Variants in ERG observed in about 807,000 individuals in gnomAD.
ERG encodes ETS transcription factor ERG.
Under a neutral mutation model 55.3 loss-of-function variants are expected in ERG, and 9 were observed. That is an observed-to-expected ratio of 0.16 (90% CI 0.10 to 0.28). The LOEUF is 0.28. ERG is among the 10% of genes least tolerant of loss of function. The pLI, the probability that ERG is intolerant of heterozygous loss-of-function variation, is 1.00. For synonymous variants in ERG, 223 were observed against 237.3 expected (o/e 0.94, Z 0.55); for missense variants, 434 against 631.6 (o/e 0.69, Z 3.35).
At position 38,468,997 on chromosome 21, in the gene ERG, A is replaced by G. The variant is rs539399940; in HGVS notation, c.19-23376T>C. The stretch of plus-strand genomic sequence containing the variant: ...GACTCTGTCTCAAAAAAAAAAAAAA[A>G]AAAAGAAAAAAAAAAAAGAAAATGT... On this transcript the variant is annotated intron_variant, in intron 1 of 9. Coordinates refer to ENST00000288319, the MANE Select transcript of ERG (RefSeq NM_182918.4). 5.4e-3 allele frequency among the ~76,000 whole-genome samples: 376 copies of G among 69,334 alleles called. 6 individuals carry two copies. In the East Asian group the frequency reaches 0.056, roughly 10 times the overall value. 45.5% of individuals were successfully genotyped at this position (69,334 alleles called of 152,430 possible). A position where few individuals can be genotyped will look rare whatever the true frequency, so the allele number is the denominator to read the frequency against.
chr21:38,592,571 C>CTG (rs56195027), intron 1 of ERG, among the ~76,000 whole-genome samples: 32,962 of 147,664 alleles, frequency 0.22, 3,606 homozygotes, highest in South Asian at 0.3. Context: ...TCTCCCTTCA[C>CTG]TGTGTGTGTG....
chr21:38,495,623 G>C (rs2059373161), intron 1 of ERG, among the ~76,000 whole-genome samples: 1 of 152,188 alleles, frequency 6.6e-6, no homozygotes, highest in Non-Finnish European at 1.5e-5. Context: ...GGTCCGGGGA[G>C]AGGACTGTAT....
chr21:38,610,533 GT>G (rs2060220780), intron 1 of ERG, among the ~76,000 whole-genome samples: 3 of 152,024 alleles, frequency 2.0e-5, no homozygotes, highest in African/African-American at 4.8e-5. Flanking sequence ...GCGCGTGTGT[GT>G]GTGTGTGTGT....
At chr21:38,367,575 G>T in the ERG span, 1 of 508,516 alleles carries the variant, frequency 2.0e-6, no homozygotes, top group East Asian at 4.0e-5. Context: ...TGCCTTCTAT[G>T]ACCCAGTCCC....
At chr21:38,471,775 T>C (rs1180522275) in intron 1 of ERG, 2 of 152,226 alleles carry the variant, frequency 1.3e-5, no homozygotes, top group Admixed American at 1.3e-4. Flanking sequence ...TGAGTCAAAG[T>C]CACATCTATT....
intron 9 of ERG, among the ~76,000 whole-genome samples, chr21:38,387,886 G>C (rs1359921934): frequency 1.3e-5 from 2 of 152,232 alleles, no homozygotes; most frequent in African/African-American, 4.8e-5. Flanking sequence ...GGAGCTTAGA[G>C]AGGTAGACTG....
chr21:38,549,238 T>C (rs1405600366), intron 2 of ERG, among the ~76,000 whole-genome samples: 2 of 152,198 alleles, frequency 1.3e-5, no homozygotes, highest in Admixed American at 6.5e-5. Context: ...TTCCTAGATG[T>C]TTCCTGCATC....
chr21:38,474,739 T>A (rs912190594), intron 1 of ERG, among the ~76,000 whole-genome samples: 1 of 152,156 alleles, frequency 6.6e-6, no homozygotes, highest in Non-Finnish European at 1.5e-5. Flanking sequence ...CCATTTTTTT[T>A]TTTTTGTCTG....
intron 9 of ERG, among the ~76,000 whole-genome samples, chr21:38,387,218 G>C (rs780459398): frequency 1.3e-5 from 2 of 152,330 alleles, no homozygotes; most frequent in African/African-American, 4.8e-5. Context: ...AAATACAGCC[G>C]TGAGGGGCCC....
intron 3 of ERG, among the ~76,000 whole-genome samples, chr21:38,404,669 T>C (rs938810822): frequency 6.6e-6 from 1 of 152,206 alleles, no homozygotes; most frequent in East Asian, 1.9e-4. Flanking sequence ...TGGACCTTGC[T>C]GTGGGCAGCT....
In ERG at chr21:38,460,051, C is replaced by A. The variant is rs567718661; in HGVS notation, c.19-14430G>T. On this transcript the variant is annotated intron_variant, in intron 1 of 9. Transcript: ENST00000288319. The surrounding 1 kb of genome is among the most constrained non-coding windows in gnomAD (Gnocchi z 5.0). ...ACTGCTGCTTTTCATTTAGAGTGGC[C>A]AGGGTGGTCCTGAGAAAACGCGAAG... 2.0e-5 allele frequency among the ~76,000 whole-genome samples: 3 copies of A among 152,262 alleles called. No homozygotes were observed. The highest frequency in any genetic ancestry group is 2.1e-4 in the South Asian group (1 of 4,826).
chr21:38,475,188 T>C (rs1217099452), intron 1 of ERG, among the ~76,000 whole-genome samples: 2 of 151,778 alleles, frequency 1.3e-5, no homozygotes, highest in South Asian at 2.1e-4. Context: ...TATGAGAAAC[T>C]AGAGAATATA....
intron 2 of ERG, among the ~76,000 whole-genome samples, chr21:38,428,018 AC>A (rs1159302937): frequency 1.3e-5 from 2 of 151,906 alleles, no homozygotes; most frequent in African/African-American, 4.8e-5. Context: ...AAATGTGTTT[AC>A]AAAAAATACA....
intron 1 of ERG, among the ~76,000 whole-genome samples, chr21:38,458,241 T>A (rs561921580): frequency 1.9e-3 from 289 of 151,994 alleles, no homozygotes; most frequent in Middle Eastern, 6.8e-3. Context: ...CTGGCCAACA[T>A]GGTGAAACTC....
intron 2 of ERG, among the ~76,000 whole-genome samples, chr21:38,528,432 A>AATTT (rs1568885342): frequency 2.9e-5 from 1 of 34,596 alleles, no homozygotes; most frequent in African/African-American, 1.2e-4. Context: ...GCCATAGCAA[A>AATTT]CTTTTTTTTT....
chr21:38,599,535 A>G lies in ERG; in HGVS notation c.-149-14590T>C, dbSNP rs553455678. Among the ~76,000 whole-genome samples, 4 of 152,194 alleles carry G rather than the reference A, an allele frequency of 2.6e-5. No individual in the cohort carries two copies. The East Asian group carries it at 7.7e-4, about 29-fold the overall frequency. ...CTTGTTGTCCTGTCTTCCTGCTCCA[A>G]CCCTGGAGAACCAGAGGCAGAGGTC... On this transcript the variant is annotated intron_variant, in intron 1 of 10. Coordinates refer to the ERG transcript ENST00000398910.
intron 1 of ERG, among the ~76,000 whole-genome samples, chr21:38,641,297 C>T (rs1253644285): frequency 6.6e-6 from 1 of 152,204 alleles, no homozygotes; most frequent in Non-Finnish European, 1.5e-5. Flanking sequence ...ACCCCTTCTA[C>T]CATTTGAGGA....
chr21:38,577,988 A>T (rs2060005248), intron 1 of ERG, among the ~76,000 whole-genome samples: 1 of 152,188 alleles, frequency 6.6e-6, no homozygotes, highest in Non-Finnish European at 1.5e-5. Context: ...CCTTTATGGA[A>T]GTGGGAGCTT....
Position 38,383,616 on chromosome 21 carries a change from G to A in ERG, c.1227C>T (p.Tyr409=), listed in dbSNP as rs761505888. 6.2e-7 allele frequency: 1 copy of A among 1,613,914 alleles called. No homozygotes were observed. The highest frequency in any genetic ancestry group is 1.1e-5 in the South Asian group (1 of 91,066). ...TGTACGGGAGGTCTGAGGGGTACTT[G>A]TACAGAGATGACTCCGGGGGGTGGG... ...LQPHPPESSL[Y]KYPSDLPYMG... Residue 409 remains tyrosine, a synonymous_variant, in exon 10 of 10, where the codon TAC becomes TAT. Coordinates refer to ENST00000288319, the MANE Select transcript of ERG (RefSeq NM_182918.4). The surrounding 1 kb of genome is among the most constrained non-coding windows in gnomAD (Gnocchi z 5.7).
Sources: gnomAD v4.1 joint callset for allele counts (sites outside exome capture counted in the v4.1 genomes callset) on GRCh38, gnomAD v4.1.1 for gene constraint, Gnocchi (gnomAD v3.1) non-coding constraint, MANE v1.5 for transcripts, NCBI Gene and HGNC (gene_info 2026-07-23, HGNC 2026-07-21) for gene names.